UBE2L6: variants seen among roughly 807,000 people sequenced by gnomAD.
The protein encoded by UBE2L6 is ubiquitin conjugating enzyme E2 L6.
UBE2L6 carries 11 observed loss-of-function variants against 13.6 expected under a neutral mutation model. The observed-to-expected ratio is 0.81, with a 90% CI of 0.51 to 1.34. UBE2L6 has a LOEUF of 1.34. UBE2L6 is among the 40% of genes most tolerant of loss of function. The pLI is 0.00. For missense variants in UBE2L6, 197 were observed against 199.5 expected, an observed-to-expected ratio of 0.99 and a Z score of 0.07; for synonymous variants, 74 against 83.2, an observed-to-expected ratio of 0.89 and a Z score of 0.60.
At chr11:57,559,224 C>T (rs534350953) in intron 2 of UBE2L6, among the ~76,000 whole-genome samples, 3 of 152,314 alleles carry the variant, frequency 2.0e-5, no homozygotes, top group South Asian at 4.1e-4. Flanking sequence ...CAGAGGTTCC[C>T]ATGTTGACCT....
Position 57,560,448 on chromosome 11 carries a change from G to A in UBE2L6, c.28-16C>T. ...CCTCCAGCTCCTGCAGGGGACACAA[G>A]TGAGTGGGCAGTTGGCCTAGTCCTC... On this transcript the variant is annotated splice_polypyrimidine_tract_variant and intron_variant, in intron 1 of 3. Coordinates refer to ENST00000287156, the MANE Select transcript of UBE2L6 (RefSeq NM_004223.5). 1 of 1,594,836 alleles carries A rather than the reference G, an allele frequency of 6.3e-7. No homozygotes were observed. The highest frequency in any genetic ancestry group is 8.6e-7 in the Non-Finnish European group (1 of 1,163,714).
chr11:57,567,860 G>A (rs998782100), upstream of UBE2L6: 40 of 434,742 alleles, frequency 9.2e-5, no homozygotes, highest in East Asian at 1.3e-3. Flanking sequence ...GTCTTTGTGC[G>A]GAGACGGGGG....
At chr11:57,553,477 A>C (rs1279683886) in intron 3 of UBE2L6, among the ~76,000 whole-genome samples, 1 of 150,666 alleles carries the variant, frequency 6.6e-6, no homozygotes, top group Admixed American at 6.6e-5. Context: ...CCTGGGCAAT[A>C]GAGACAGACC....
chr11:57,563,815 T>C (rs1200955633), intron 1 of UBE2L6, among the ~76,000 whole-genome samples: 2 of 150,940 alleles, frequency 1.3e-5, no homozygotes, highest in South Asian at 4.2e-4. Context: ...GGCAGGAGAA[T>C]GGTATGAACC....
Position 57,560,401 on chromosome 11 carries a change from G to C in UBE2L6, c.59C>G (p.Pro20Arg). 14 of 1,613,708 alleles carry C rather than the reference G, an allele frequency of 8.7e-6. No homozygotes were observed. Among genetic ancestry groups the C allele is most frequent in the Non-Finnish European group, 1.1e-5 (13 of 1,179,886 alleles). The part of the protein sequence containing the change: ...ELEDLQKKPP[P>R]YLRNLSSDDA... ...ATCGCTGGACAGGTTCCGCAGGTAT[G>C]GGGGAGGCTTCTTCTGAAGATCCTC... Residue 20 changes from proline to arginine, a missense_variant, in exon 2 of 4, where the codon CCA becomes CGA. Transcript: ENST00000287156.
intron 1 of UBE2L6, among the ~76,000 whole-genome samples, chr11:57,563,888 C>T (rs775658907): frequency 4.0e-5 from 6 of 151,890 alleles, no homozygotes; most frequent in Non-Finnish European, 2.9e-5. Flanking sequence ...GGCAACAGAG[C>T]GAGACTCCGT....
chr11:57,554,122 A>G (rs1230216890), intron 3 of UBE2L6, among the ~76,000 whole-genome samples: 1 of 152,166 alleles, frequency 6.6e-6, no homozygotes, highest in Non-Finnish European at 1.5e-5. Context: ...CCAGAAAGGA[A>G]CGAAAACTTG....
rs1361966396 is a variant in UBE2L6 at position 57,565,367 on chromosome 11, T to G, written c.27+2218A>C. Among the ~76,000 whole-genome samples the G allele has an allele frequency of 1.6e-4, 17 of 104,064 alleles. 1 individual carries two copies. Among genetic ancestry groups the G allele is most frequent in the African/African-American group, 3.2e-4 (9 of 28,484 alleles). The allele number at this position is 104,064 out of a possible 152,430, so 68.3% of individuals were successfully genotyped here. ...AGTTTGTATTAGTTGTTTTTTTTTT[T>G]TTTTTTTTTTTTTTTGAGACAATGT... On this transcript the variant is annotated intron_variant, in intron 1 of 3. Coordinates refer to ENST00000287156, the MANE Select transcript of UBE2L6 (RefSeq NM_004223.5).
At chr11:57,563,176 G>A (rs552631297) in intron 1 of UBE2L6, among the ~76,000 whole-genome samples, 1 of 152,066 alleles carries the variant, frequency 6.6e-6, no homozygotes, top group South Asian at 2.1e-4. Flanking sequence ...AAAGAATCAA[G>A]GAGAAATTCC....
rs1267477978 is a variant in UBE2L6 at position 57,551,986 on chromosome 11, A to C, written c.*372T>G. ...ACTGTCCCCAGGCCCTCAGTGCCTGAGCCCTAGGGGGATTCGAGTTGGCTG... is the reference window on the plus strand; with the variant it reads ...ACTGTCCCCAGGCCCTCAGTGCCTGCGCCCTAGGGGGATTCGAGTTGGCTG... On this transcript the variant is annotated 3_prime_UTR_variant, in exon 4 of 4. Coordinates refer to ENST00000287156, the MANE Select transcript of UBE2L6 (RefSeq NM_004223.5). 3.3e-5 allele frequency: 7 copies of C among 209,660 alleles called. No individual in the cohort carries two copies. In the East Asian group the frequency reaches 9.4e-4, roughly 28 times the overall value. 13.0% of individuals were successfully genotyped at this position (209,660 alleles called of 1,614,324 possible).
chr11:57,564,648 C>T (rs1313534188), intron 1 of UBE2L6, among the ~76,000 whole-genome samples: 1 of 151,612 alleles, frequency 6.6e-6, no homozygotes, highest in Non-Finnish European at 1.5e-5. Context: ...ACTAAAAATA[C>T]AAAAATTAGC....
At chr11:57,559,052 T>C (rs1175894312) in intron 2 of UBE2L6, among the ~76,000 whole-genome samples, 1 of 152,236 alleles carries the variant, frequency 6.6e-6, no homozygotes, top group East Asian at 1.9e-4. Flanking sequence ...GGTTTTCCTA[T>C]CACCCCTGCT....
chr11:57,558,313 C>A (rs1309623983), intron 2 of UBE2L6, among the ~76,000 whole-genome samples: 1 of 152,090 alleles, frequency 6.6e-6, no homozygotes, highest in East Asian at 1.9e-4. Flanking sequence ...TTCTGACCTC[C>A]AGTGATCCAC....
At chr11:57,567,935 C>A, upstream of UBE2L6, 1 of 322,716 alleles carries the variant, frequency 3.1e-6, no homozygotes, top group Non-Finnish European at 5.6e-6. Context: ...GCACCGGCGG[C>A]GAGCGCTCAG....
chr11:57,565,253 G>C (rs754969363), intron 1 of UBE2L6, among the ~76,000 whole-genome samples: 1 of 149,862 alleles, frequency 6.7e-6, no homozygotes, highest in East Asian at 2.0e-4. Context: ...AAGGAAGGAA[G>C]GAAGGAAAGA....
intron 1 of UBE2L6, chr11:57,567,374 G>C (rs1451558726): frequency 2.9e-6 from 2 of 682,242 alleles, no homozygotes. Flanking sequence ...GGCTCAAGCA[G>C]AGGCCTCCAA....
rs1035686409 is a variant in UBE2L6, at chr11:57,552,113, C to A, written c.*245G>T. 6 of 506,756 alleles carry A rather than the reference C, an allele frequency of 1.2e-5. No individual in the cohort carries two copies. The highest frequency in any genetic ancestry group is 9.7e-5 in the African/African-American group (5 of 51,436). The allele number at this position is 506,756 out of a possible 1,614,324, so 31.4% of individuals were successfully genotyped here. Reference sequence around the variant, plus strand: ...ACTGCAAACTTAAACTCCCTTGGCTCTGGGGAATGTAAAGGGTGTGGGAAG... The same window carrying A: ...ACTGCAAACTTAAACTCCCTTGGCTATGGGGAATGTAAAGGGTGTGGGAAG... On this transcript the variant is annotated 3_prime_UTR_variant, in exon 4 of 4. Transcript: ENST00000287156.
intron 2 of UBE2L6, among the ~76,000 whole-genome samples, chr11:57,557,554 C>A (rs1945007995): frequency 6.6e-6 from 1 of 152,034 alleles, no homozygotes. Flanking sequence ...ACCACCACAC[C>A]CAGCTAATTT....
chr11:57,565,962 C>T (rs1279720844), intron 1 of UBE2L6, among the ~76,000 whole-genome samples: 1 of 150,382 alleles, frequency 6.6e-6, no homozygotes, highest in Non-Finnish European at 1.5e-5. Context: ...TCCCATGCCC[C>T]CCTCCTATCC....
Sources: gnomAD v4.1 joint callset for allele counts (sites outside exome capture counted in the v4.1 genomes callset) on GRCh38, gnomAD v4.1.1 for gene constraint, MANE v1.5 for transcripts, NCBI Gene and HGNC (gene_info 2026-07-23, HGNC 2026-07-21) for gene names.